DOCK3: variants seen among roughly 807,000 people sequenced by gnomAD.
The protein encoded by DOCK3 is dedicator of cytokinesis 3, also known as dedicator of cytokinesis protein 3.
DOCK3 carries 60 observed loss-of-function variants against 265.6 expected under a neutral mutation model. That is an observed-to-expected ratio of 0.23 (90% confidence interval 0.18 to 0.28). The LOEUF is 0.28. Among genes scored for constraint, DOCK3 ranks in the 10% least tolerant of loss-of-function variants. The probability of loss-of-function intolerance (pLI) is 1.00; values close to 1 mark genes in which losing one functional copy is unlikely to be tolerated. For synonymous variants in DOCK3, 881 were observed against 938.0 expected (o/e 0.94, Z 1.11); for missense variants, 1,981 against 2,594.3 (o/e 0.76, Z 5.14).
intron 24 of DOCK3, among the ~76,000 whole-genome samples, chr3:51,272,897 G>A (rs1029096398): frequency 6.6e-6 from 1 of 151,666 alleles, no homozygotes; most frequent in African/African-American, 2.4e-5. Flanking sequence ...GGGCACGGTG[G>A]CTCACGCCTG....
At chr3:51,369,086 G>A (rs546013284) in intron 49 of DOCK3, among the ~76,000 whole-genome samples, 10 of 152,360 alleles carry the variant, frequency 6.6e-5, no homozygotes, top group African/African-American at 2.2e-4. Flanking sequence ...CAAAGATGGG[G>A]AGAAACCAAA....
At chr3:50,886,792 A>G (rs2107700354) in intron 3 of DOCK3, among the ~76,000 whole-genome samples, 1 of 152,264 alleles carries the variant, frequency 6.6e-6, no homozygotes, top group East Asian at 1.9e-4. Flanking sequence ...GAAGGCAGAA[A>G]TAAAGATGTT....
At chr3:51,051,596 T>C (rs2080996271) in intron 5 of DOCK3, among the ~76,000 whole-genome samples, 1 of 152,196 alleles carries the variant, frequency 6.6e-6, no homozygotes, top group African/African-American at 2.4e-5. Flanking sequence ...TAAGGTACTG[T>C]AGTTGGCAGA....
At chr3:50,808,955 A>G (rs2043582549) in intron 2 of DOCK3, among the ~76,000 whole-genome samples, 1 of 152,216 alleles carries the variant, frequency 6.6e-6, no homozygotes. Flanking sequence ...CTCCAAACTC[A>G]ATTCCAAGTA....
At chr3:51,246,171 T>A (rs2078831666) in intron 21 of DOCK3, among the ~76,000 whole-genome samples, 1 of 151,906 alleles carries the variant, frequency 6.6e-6, no homozygotes, top group Admixed American at 6.6e-5. Flanking sequence ...TCAGATGTTC[T>A]GAAAACCTAG....
At chr3:50,866,409 A>G (rs2107543354) in intron 3 of DOCK3, among the ~76,000 whole-genome samples, 1 of 151,690 alleles carries the variant, frequency 6.6e-6, no homozygotes, top group South Asian at 2.1e-4. Context: ...CCCTTGAACC[A>G]GGGAGTCAGA....
At chr3:51,311,968 T>G (rs2083088542) in intron 28 of DOCK3, 36 bp from the exon 29 acceptor site, 1 of 1,516,340 alleles carries the variant, frequency 6.6e-7, no homozygotes, top group Non-Finnish European at 9.0e-7. Context: ...ATTGTTAGTC[T>G]TTTAATTCTG....
intron 49 of DOCK3, among the ~76,000 whole-genome samples, chr3:51,370,586 A>C (rs2087599808): frequency 6.6e-6 from 1 of 152,238 alleles, no homozygotes; most frequent in Non-Finnish European, 1.5e-5. Flanking sequence ...GCTTTTACTG[A>C]ATGCTCAGTG....
At chr3:50,752,000 T>TG (rs2108313459) in intron 1 of DOCK3, among the ~76,000 whole-genome samples, 1 of 152,150 alleles carries the variant, frequency 6.6e-6, no homozygotes, top group East Asian at 1.9e-4. Flanking sequence ...CCTAGACATG[T>TG]GGGGATTATG....
At chr3:50,826,693 C>T (rs1203870748) in intron 2 of DOCK3, among the ~76,000 whole-genome samples, 1 of 152,066 alleles carries the variant, frequency 6.6e-6, no homozygotes, top group Non-Finnish European at 1.5e-5. Context: ...ATCTGTGAAA[C>T]AGGAACTGGA....
At chr3:50,791,521 G>T (rs1033089253) in intron 2 of DOCK3, among the ~76,000 whole-genome samples, 1 of 152,014 alleles carries the variant, frequency 6.6e-6, no homozygotes, top group Non-Finnish European at 1.5e-5. Context: ...TGATCCACCC[G>T]CCTCGGCCTC....
intron 12 of DOCK3, among the ~76,000 whole-genome samples, chr3:51,182,992 C>A (rs534776810): frequency 2.0e-5 from 3 of 152,328 alleles, no homozygotes; most frequent in Non-Finnish European, 2.9e-5. Flanking sequence ...GGCTCACAGA[C>A]AAATGTATGC....
intron 29 of DOCK3, 60 bp from the exon 30 acceptor site, chr3:51,312,416 A>G (rs1576759702): frequency 7.1e-7 from 1 of 1,418,232 alleles, no homozygotes; most frequent in East Asian, 2.3e-5. Flanking sequence ...GTATTTAGTA[A>G]CGCTCCCTAC....
At chr3:50,918,550 A>G (rs1575528103) in intron 4 of DOCK3, among the ~76,000 whole-genome samples, 1 of 152,204 alleles carries the variant, frequency 6.6e-6, no homozygotes, top group East Asian at 1.9e-4. Flanking sequence ...TGACTGCATA[A>G]ATGTCTTCTT....
intron 3 of DOCK3, among the ~76,000 whole-genome samples, chr3:50,882,442 A>C (rs1372484341): frequency 2.6e-5 from 4 of 152,216 alleles, no homozygotes; most frequent in Non-Finnish European, 5.9e-5. Context: ...CAACCCCATC[A>C]AAAAGTGGGC....
chr3:50,680,404 G>A (rs886698619), intron 1 of DOCK3, among the ~76,000 whole-genome samples: 12 of 151,096 alleles, frequency 7.9e-5, no homozygotes, highest in African/African-American at 2.7e-4. Context: ...AGTAGAGACG[G>A]GGTTTCACCA....
chr3:51,321,298 G>A (rs1351232443), intron 32 of DOCK3, among the ~76,000 whole-genome samples: 3 of 152,186 alleles, frequency 2.0e-5, no homozygotes, highest in East Asian at 1.9e-4. Flanking sequence ...CAAAAAGGAC[G>A]TCCACACAGA....
At chr3:51,084,855 T>C (rs1459805165) in intron 7 of DOCK3, among the ~76,000 whole-genome samples, 1 of 152,174 alleles carries the variant, frequency 6.6e-6, no homozygotes, top group African/African-American at 2.4e-5. Context: ...TATGAACTGT[T>C]TAAATTCTCC....
intron 10 of DOCK3, among the ~76,000 whole-genome samples, chr3:51,157,484 G>T (rs758051300): frequency 1.3e-5 from 2 of 152,130 alleles, no homozygotes; most frequent in Admixed American, 6.6e-5. Context: ...GACCTCAAGC[G>T]ATCCTCCCAC....
Sources: allele counts gnomAD v4.1 joint callset (sites outside exome capture counted in the v4.1 genomes callset), GRCh38; gene constraint gnomAD v4.1.1; transcripts MANE v1.5; gene names NCBI Gene and HGNC (gene_info 2026-07-23, HGNC 2026-07-21).